The following SH3YL1 variants were observed in gnomAD, a reference collection of about 807,000 sequenced individuals.
The protein encoded by SH3YL1 is SH3 domain-containing YSC84-like protein 1.
In SH3YL1, 41 loss-of-function variants were observed where a neutral mutation model predicts 45.8. That is an observed-to-expected ratio of 0.89 (90% CI 0.70 to 1.16). SH3YL1 has a LOEUF of 1.16. Ranked by LOEUF, SH3YL1 falls within the 50% of genes most tolerant of loss-of-function variation. The pLI, the probability that SH3YL1 is intolerant of heterozygous loss-of-function variation, is 0.00. For synonymous variants in SH3YL1, 152 were observed against 151.4 expected (o/e 1.00, Z -0.03); for missense variants, 389 against 409.6 (o/e 0.95, Z 0.43).
intron 4 of SH3YL1, among the ~76,000 whole-genome samples, chr2:243,308 G>A (rs1668626630): frequency 6.6e-6 from 1 of 152,134 alleles, no homozygotes; most frequent in Non-Finnish European, 1.5e-5. Context: ...CATTTAAAAG[G>A]ACTGAAATTA....
In SH3YL1 at chr2:229,646, G is replaced by C. The variant is rs376792410; in HGVS notation, c.781+320C>G. 2.6e-3 allele frequency among the ~76,000 whole-genome samples: 390 copies of C among 147,308 alleles called. 3 individuals carry two copies. Among genetic ancestry groups the C allele is most frequent in the African/African-American group, 9.2e-3 (371 of 40,278 alleles). On this transcript the variant is annotated intron_variant, in intron 8 of 9. Coordinates refer to ENST00000356150, the MANE Select transcript of SH3YL1 (RefSeq NM_015677.4). ...TGGGAGGCTGAGGCAGGAGAATGGC[G>C]TGAACCCGGGAGGCGGAGCTTGCAG...
At chr2:252,936 CG>C in intron 2 of SH3YL1, 68 bp downstream of exon 2, 7 of 948,704 alleles carry the variant, frequency 7.4e-6, no homozygotes, top group Non-Finnish European at 1.1e-5. Flanking sequence ...AATGGAGTGT[CG>C]AACAATGCAA....
chr2:220,393 G>A (rs1323548351), intron 9 of SH3YL1, among the ~76,000 whole-genome samples: 1 of 151,832 alleles, frequency 6.6e-6, no homozygotes, highest in East Asian at 1.9e-4. Flanking sequence ...GATAATACTG[G>A]TATAACTACT....
At chr2:247,678 A>G (rs1486128173) in intron 3 of SH3YL1, 76 bp from the exon 4 acceptor site, 1 of 1,153,578 alleles carries the variant, frequency 8.7e-7, no homozygotes, top group Non-Finnish European at 1.2e-6. Context: ...GAAAAATGCT[A>G]AAATCTAAAG....
Position 234,241 on chromosome 2 carries a change from T to A in SH3YL1, c.323A>T (p.Asp108Val), listed in dbSNP as rs1214918087. Residue 108 changes from aspartate to valine, a missense_variant, in exon 5 of 10, where the codon GAC becomes GTC. Physicochemically the swap from Asp to Val is radical, Grantham distance 152 (BLOSUM62 -3). Transcript: ENST00000356150. ...VSDLVIILNYDRAVEAFAKGG... is the reference protein window; with the variant it reads ...VSDLVIILNYVRAVEAFAKGG... Reference sequence around the variant, plus strand: ...TTTTGCAAAAGCTTCTACAGCACGGTCATAATTCAGAATTATCACCAAGTC... The same window carrying A: ...TTTTGCAAAAGCTTCTACAGCACGGACATAATTCAGAATTATCACCAAGTC... 4.3e-6 allele frequency: 7 copies of A among 1,613,914 alleles called. No homozygotes were observed. The African/African-American group carries it at 9.3e-5, about 22-fold the overall frequency.
chr2:225,961 T>C (rs760371448), intron 8 of SH3YL1, among the ~76,000 whole-genome samples: 13 of 152,170 alleles, frequency 8.5e-5, no homozygotes, highest in Non-Finnish European at 1.0e-4. Context: ...ATAATTAGCA[T>C]TGAAAAATTA....
At chr2:225,353 G>A (rs759575624) in intron 8 of SH3YL1, among the ~76,000 whole-genome samples, 6 of 152,182 alleles carry the variant, frequency 3.9e-5, no homozygotes, top group South Asian at 2.1e-4. Flanking sequence ...GAGGCAGAAC[G>A]GTCTGGGGGT....
At chr2:249,220 T>C (rs553362010) in intron 3 of SH3YL1, among the ~76,000 whole-genome samples, 1 of 152,320 alleles carries the variant, frequency 6.6e-6, no homozygotes, top group South Asian at 2.1e-4. Flanking sequence ...AAGTAGTAGA[T>C]TTCATCCCAG....
At chr2:229,320 A>G (rs1667926985) in intron 8 of SH3YL1, among the ~76,000 whole-genome samples, 2 of 152,256 alleles carry the variant, frequency 1.3e-5, no homozygotes, top group Admixed American at 1.3e-4. Flanking sequence ...ATGATAAGAA[A>G]AAAACAGGCT....
chr2:227,023 TG>T (rs1472030749), intron 8 of SH3YL1, among the ~76,000 whole-genome samples: 1 of 151,912 alleles, frequency 6.6e-6, no homozygotes, highest in Non-Finnish European at 1.5e-5. Flanking sequence ...AGAATGCATA[TG>T]GTGTCTAGTG....
At chr2:223,289 G>A (rs939350934) in intron 9 of SH3YL1, among the ~76,000 whole-genome samples, 4 of 152,136 alleles carry the variant, frequency 2.6e-5, no homozygotes, top group Non-Finnish European at 5.9e-5. Flanking sequence ...TTTATAGGAA[G>A]TTTCTAATAG....
intron 4 of SH3YL1, chr2:241,095 CAA>C (rs1294377534): frequency 6.6e-6 from 1 of 151,852 alleles, no homozygotes; most frequent in African/African-American, 2.4e-5. Flanking sequence ...ATTTAGCAGA[CAA>C]AGACTTTAAA....
rs1199561486 is a variant in SH3YL1, at chr2:223,297, T to C, written c.838+1567A>G. Among the ~76,000 whole-genome samples the C allele has an allele frequency of 2.6e-5, 4 of 152,284 alleles. No individual in the cohort carries two copies. In the East Asian group the frequency reaches 5.8e-4, roughly 22 times the overall value. On this transcript the variant is annotated intron_variant, in intron 9 of 9. Coordinates refer to ENST00000356150, the MANE Select transcript of SH3YL1 (RefSeq NM_015677.4). ...GGTGCTGTTTATAGGAAGTTTCTAA[T>C]AGAGAAAGGAACTCTAGTTCCCAAT...
intron 9 of SH3YL1, among the ~76,000 whole-genome samples, chr2:220,880 T>C (rs950117302): frequency 6.6e-6 from 1 of 152,216 alleles, no homozygotes; most frequent in African/African-American, 2.4e-5. Context: ...CTTGTGAACA[T>C]CAGGGAATGT....
chr2:227,322 T>A (rs867188713), intron 8 of SH3YL1, among the ~76,000 whole-genome samples: 1 of 151,986 alleles, frequency 6.6e-6, no homozygotes, highest in African/African-American at 2.4e-5. Context: ...GGTAACTATC[T>A]CAAAAAAAAT....
upstream of SH3YL1, chr2:264,053 C>G (rs1427693882): frequency 2.2e-6 from 3 of 1,358,476 alleles, no homozygotes; most frequent in Non-Finnish European, 2.9e-6. Context: ...TGCCCCGCCC[C>G]GCGGACAAGG....
In SH3YL1 at chr2:218,762, T is replaced by C. The variant is rs1378595401; in HGVS notation, c.*49A>G. 2 of 1,448,124 alleles carry C rather than the reference T, an allele frequency of 1.4e-6. No individual in the cohort carries two copies. Among genetic ancestry groups the C allele is most frequent in the African/African-American group, 1.4e-5 (1 of 70,864 alleles). The allele number at this position is 1,448,124 out of a possible 1,614,324, so 89.7% of individuals were successfully genotyped here. ...TTGCTTAACTAGTAAATCCTGTCAG[T>C]GTAGAAATAATTTTTTTGTAATTCT... On this transcript the variant is annotated 3_prime_UTR_variant, in exon 10 of 10. Coordinates refer to ENST00000356150, the MANE Select transcript of SH3YL1 (RefSeq NM_015677.4).
At chr2:221,946 T>C (rs1030298189) in intron 9 of SH3YL1, among the ~76,000 whole-genome samples, 1 of 152,140 alleles carries the variant, frequency 6.6e-6, no homozygotes, top group Non-Finnish European at 1.5e-5. Flanking sequence ...GAGATAATTT[T>C]CACAAGGAGA....
chr2:260,189 A>G (rs1234435328), intron 1 of SH3YL1: 1 of 152,186 alleles, frequency 6.6e-6, no homozygotes, highest in East Asian at 1.9e-4. Flanking sequence ...ATCAGGTGGT[A>G]ATTATCTTGG....
Sources: gnomAD v4.1 joint callset for allele counts (sites outside exome capture counted in the v4.1 genomes callset) on GRCh38, gnomAD v4.1.1 for gene constraint, MANE v1.5 for transcripts, NCBI Gene and HGNC (gene_info 2026-07-23, HGNC 2026-07-21) for gene names.